CCDC171: variants seen among roughly 807,000 people sequenced by gnomAD.
CCDC171 encodes coiled-coil domain-containing protein 171.
Under a neutral mutation model 168.2 loss-of-function variants are expected in CCDC171, and 177 were observed. That is an observed-to-expected ratio of 1.05 (90% CI 0.93 to 1.19). CCDC171 has a LOEUF of 1.19. Ranked by LOEUF, CCDC171 falls within the 50% of genes most tolerant of loss-of-function variation. The pLI, the probability that CCDC171 is intolerant of heterozygous loss-of-function variation, is 0.00. For synonymous variants in CCDC171, 687 were observed against 540.8 expected (o/e 1.27, Z -3.75); for missense variants, 1,991 against 1,539.0 (o/e 1.29, Z -4.91).
At chr9:16,085,141 TAAG>T in the CCDC171 span, among the ~76,000 whole-genome samples, 1 of 152,192 alleles carries the variant, frequency 6.6e-6, no homozygotes, top group South Asian at 2.1e-4. Context: ...GCAGGGGAAA[TAAG>T]GAGGTAGCTC....
intron 21 of CCDC171, among the ~76,000 whole-genome samples, chr9:15,805,959 A>C (rs1188100852): frequency 6.6e-6 from 1 of 152,038 alleles, no homozygotes. Flanking sequence ...GTGTATATAT[A>C]TTTAGTATAG....
At chr9:15,620,554 T>G (rs1189916769) in intron 6 of CCDC171, among the ~76,000 whole-genome samples, 1 of 152,206 alleles carries the variant, frequency 6.6e-6, no homozygotes, top group African/African-American at 2.4e-5. Flanking sequence ...TTGCTTCTTA[T>G]AGATGACCAA....
intron 24 of CCDC171, among the ~76,000 whole-genome samples, chr9:15,903,628 C>T (rs1822049837): frequency 6.6e-6 from 1 of 152,210 alleles, no homozygotes; most frequent in South Asian, 2.1e-4. Context: ...GCCTCTCCTC[C>T]TCCAAAGGAA....
At chr9:15,633,610 G>C (rs1022292197) in intron 7 of CCDC171, among the ~76,000 whole-genome samples, 6 of 152,202 alleles carry the variant, frequency 3.9e-5, no homozygotes, top group Non-Finnish European at 7.3e-5. Flanking sequence ...GTGGAAGTCA[G>C]TGTGGCGATT....
intron 7 of CCDC171, among the ~76,000 whole-genome samples, chr9:15,647,023 C>A (rs1432965773): frequency 1.3e-5 from 2 of 152,090 alleles, no homozygotes; most frequent in Non-Finnish European, 2.9e-5. Flanking sequence ...TCAGCAAATG[C>A]AAAAGAACAG....
At chr9:15,770,170 C>T (rs2056939122) in intron 18 of CCDC171, among the ~76,000 whole-genome samples, 1 of 152,142 alleles carries the variant, frequency 6.6e-6, no homozygotes, top group South Asian at 2.1e-4. Context: ...GGACTTTTAT[C>T]ACTTTTAAAT....
chr9:15,728,709 T>C (rs1484697225), intron 15 of CCDC171, among the ~76,000 whole-genome samples: 1 of 152,140 alleles, frequency 6.6e-6, no homozygotes, highest in East Asian at 1.9e-4. Flanking sequence ...GATCAACATA[T>C]GCCACCATTA....
chr9:15,868,184 T>G (rs540507946), intron 23 of CCDC171, among the ~76,000 whole-genome samples: 3 of 152,116 alleles, frequency 2.0e-5, no homozygotes, highest in Non-Finnish European at 4.4e-5. Flanking sequence ...AGTTCTGGCT[T>G]TGCTCCAGAG....
At chr9:15,964,010 G>A (rs1830578409) in intron 25 of CCDC171, among the ~76,000 whole-genome samples, 1 of 152,196 alleles carries the variant, frequency 6.6e-6, no homozygotes, top group Non-Finnish European at 1.5e-5. Context: ...TCGCTAGAAT[G>A]CAGACATACT....
chr9:15,918,299 C>T (rs1353495102), intron 24 of CCDC171, among the ~76,000 whole-genome samples: 1 of 151,478 alleles, frequency 6.6e-6, no homozygotes, highest in Admixed American at 6.6e-5. Context: ...ATTTTCTGAG[C>T]CTTACAACAG....
At chr9:15,901,180 C>T (rs896636248) in intron 24 of CCDC171, among the ~76,000 whole-genome samples, 1 of 151,714 alleles carries the variant, frequency 6.6e-6, no homozygotes, top group African/African-American at 2.4e-5. Flanking sequence ...CAGTGGTTGC[C>T]AGGAGTTAGA....
At chr9:15,846,524 A>G (rs1486469397) in intron 21 of CCDC171, among the ~76,000 whole-genome samples, 178 bp from the exon 22 acceptor site, 10 of 152,168 alleles carry the variant, frequency 6.6e-5, no homozygotes, top group Non-Finnish European at 1.2e-4. Flanking sequence ...TATCAGTTCT[A>G]TCATTTCTAA....
intron 6 of CCDC171, among the ~76,000 whole-genome samples, chr9:15,622,586 A>G (rs1250343345): frequency 1.3e-5 from 2 of 152,170 alleles, no homozygotes; most frequent in Non-Finnish European, 2.9e-5. Flanking sequence ...ATGAATCTAG[A>G]TTAGTTACTG....
chr9:15,916,487 A>G (rs898994610), intron 24 of CCDC171, among the ~76,000 whole-genome samples: 2 of 151,996 alleles, frequency 1.3e-5, no homozygotes, highest in Non-Finnish European at 2.9e-5. Flanking sequence ...TTGCTTTCCA[A>G]TTACTCAAAA....
At chr9:16,090,847 C>A in the CCDC171 span, among the ~76,000 whole-genome samples, 1 of 152,214 alleles carries the variant, frequency 6.6e-6, no homozygotes, top group Admixed American at 6.5e-5. Flanking sequence ...CGAATTAATA[C>A]AATGAAGAAA....
At chr9:15,989,260 T>C (rs1419190874) in intron 3 of CCDC171, among the ~76,000 whole-genome samples, 1 of 151,816 alleles carries the variant, frequency 6.6e-6, no homozygotes, top group Non-Finnish European at 1.5e-5. Context: ...CAGCAACATT[T>C]ACTGTCAGCA....
chr9:15,706,786 G>A (rs972666835), intron 11 of CCDC171, among the ~76,000 whole-genome samples: 1 of 152,094 alleles, frequency 6.6e-6, no homozygotes, highest in African/African-American at 2.4e-5. Context: ...TTTCCTTGAG[G>A]AAATAATTTG....
chr9:15,862,355 C>T (rs1418020872), intron 23 of CCDC171, among the ~76,000 whole-genome samples: 1 of 151,108 alleles, frequency 6.6e-6, no homozygotes, highest in Admixed American at 6.6e-5. Context: ...TTGAACCTCT[C>T]TTGAATTTTT....
intron 8 of CCDC171, among the ~76,000 whole-genome samples, chr9:15,658,795 C>T (rs577726471): frequency 3.3e-5 from 5 of 152,260 alleles, no homozygotes; most frequent in East Asian, 1.9e-4. Flanking sequence ...CTTGCTGACA[C>T]GTGACTTTAG....
Sources: allele counts gnomAD v4.1 joint callset (sites outside exome capture counted in the v4.1 genomes callset), GRCh38; gene constraint gnomAD v4.1.1; transcripts MANE v1.5; gene names NCBI Gene and HGNC (gene_info 2026-07-23, HGNC 2026-07-21).